Variants in WDR59 observed in about 807,000 individuals in gnomAD.
WDR59 encodes WD repeat domain 59, also known as GATOR2 complex protein WDR59.
WDR59 carries 100 observed loss-of-function variants against 131.2 expected under a neutral mutation model. The observed-to-expected ratio is 0.76, with a 90% CI of 0.65 to 0.90. WDR59 has a LOEUF of 0.90. Ranked by LOEUF, WDR59 falls within the 40% of genes least tolerant of loss-of-function variation. The probability of loss-of-function intolerance (pLI) is 0.00; values close to 1 mark genes in which losing one functional copy is unlikely to be tolerated. For synonymous variants in WDR59, 601 were observed against 466.2 expected (o/e 1.29, Z -3.72); for missense variants, 1,203 against 1,262.2 (o/e 0.95, Z 0.71).
intron 14 of WDR59, among the ~76,000 whole-genome samples, chr16:74,910,910 C>A (rs537015322): frequency 6.6e-6 from 1 of 152,182 alleles, no homozygotes; most frequent in South Asian, 2.1e-4. Flanking sequence ...GTTGCCCAGA[C>A]TGGAGTGCAG....
At chr16:74,883,057 C>T (rs1225383692) in intron 25 of WDR59, among the ~76,000 whole-genome samples, 1 of 128,066 alleles carries the variant, frequency 7.8e-6, no homozygotes, top group Non-Finnish European at 1.6e-5. Flanking sequence ...CAGAGTCTCA[C>T]TCTGTCACCA....
rs374986554 is a variant in WDR59 at position 74,959,055 on chromosome 16, A to C, written c.105-2445T>G. On this transcript the variant is annotated intron_variant, in intron 2 of 25. Transcript: ENST00000262144. Reference sequence around the variant, plus strand: ...GCCCGGGCAACAAAAGCAAAACTCCATCTCAACAAAAAAACACTAAGGAGA... The same window carrying C: ...GCCCGGGCAACAAAAGCAAAACTCCCTCTCAACAAAAAAACACTAAGGAGA... Among the ~76,000 whole-genome samples the C allele has an allele frequency of 3.3e-5, 5 of 152,228 alleles. No individual in the cohort carries two copies. In the South Asian group the frequency reaches 1.0e-3, roughly 32 times the overall value.
chr16:74,916,314 A>T (rs1966383151), intron 11 of WDR59, 55 bp from the exon 12 acceptor site: 2 of 1,608,440 alleles, frequency 1.2e-6, no homozygotes, highest in African/African-American at 2.7e-5. Flanking sequence ...AATGATTGTC[A>T]TGTCTGATTA....
chr16:74,929,855 A>C (rs2031221028), intron 8 of WDR59, among the ~76,000 whole-genome samples: 1 of 152,268 alleles, frequency 6.6e-6, no homozygotes, highest in South Asian at 2.1e-4. Context: ...TCCATGAAAA[A>C]GAATGCAATC....
chr16:74,911,982 A>T, intron 14 of WDR59: 1 of 581,912 alleles, frequency 1.7e-6, no homozygotes, highest in Non-Finnish European at 3.0e-6. Flanking sequence ...TTAGAATTCA[A>T]AGGAAGTCTA....
At chr16:74,952,174 G>A (rs1348416917) in intron 3 of WDR59, among the ~76,000 whole-genome samples, 1 of 151,814 alleles carries the variant, frequency 6.6e-6, no homozygotes, top group African/African-American at 2.4e-5. Flanking sequence ...GAAAAAAGAG[G>A]CTGGGCTTGG....
chr16:74,976,502 G>T lies in WDR59; in HGVS notation c.54+8462C>A, dbSNP rs1456832008. On this transcript the variant is annotated intron_variant, in intron 1 of 25. Transcript: ENST00000262144. The stretch of plus-strand genomic sequence containing the variant: ...CTGTCGCCCAGGCTGGAGTCCAAGG[G>T]CGCAATCTTGGCTCCCTGAACCTCC... Among the ~76,000 whole-genome samples the T allele has an allele frequency of 2.6e-5, 4 of 151,436 alleles. No homozygotes were observed. The East Asian group carries it at 5.8e-4, about 22-fold the overall frequency.
chr16:74,912,594 C>T (rs780906856), intron 13 of WDR59, among the ~76,000 whole-genome samples: 12 of 152,178 alleles, frequency 7.9e-5, no homozygotes, highest in Non-Finnish European at 1.5e-4. Flanking sequence ...GAGACCAGCT[C>T]GGTCGGGGTG....
chr16:74,886,257 G>A lies in WDR59; in HGVS notation c.2546+13C>T, dbSNP rs746039545. 6.2e-7 allele frequency: 1 copy of A among 1,607,132 alleles called. No homozygotes were observed. Among genetic ancestry groups the A allele is most frequent in the Non-Finnish European group, 8.5e-7 (1 of 1,175,514 alleles). ...GTCCTGGCATTGCAGCTCTCACCTG[G>A]GAGGGTGGTTACCTTTTATTTTTAT... On this transcript the variant is annotated intron_variant, in intron 24 of 25. Coordinates refer to ENST00000262144, the MANE Select transcript of WDR59 (RefSeq NM_030581.4).
Position 74,893,815 on chromosome 16 carries a change from A to AG in WDR59, c.1867-4dup, listed in dbSNP as rs113127978. 575 of 1,614,066 alleles carry AG rather than the reference A, an allele frequency of 3.6e-4. 2 individuals are homozygous for AG. The African/African-American group carries it at 6.6e-3, about 19-fold the overall frequency. On this transcript the variant is annotated splice_polypyrimidine_tract_variant and splice_region_variant and intron_variant, in intron 18 of 25. Transcript: ENST00000262144. ...TTACTTTTCCATCGTCTTGATTTCTAGGGGTAGATGACAGGATGTAACTAA... is the reference window on the plus strand; with the variant it reads ...TTACTTTTCCATCGTCTTGATTTCTAGGGGGTAGATGACAGGATGTAACTAA...
At chr16:74,877,942 T>C (rs1964293966) in intron 25 of WDR59, among the ~76,000 whole-genome samples, 2 of 152,236 alleles carry the variant, frequency 1.3e-5, no homozygotes, top group Non-Finnish European at 2.9e-5. Flanking sequence ...CAATCACCTC[T>C]GACAACTCTT....
intron 2 of WDR59, among the ~76,000 whole-genome samples, chr16:74,960,683 G>A (rs75649910): frequency 0.031 from 4,625 of 150,938 alleles, 98 homozygotes; most frequent in Middle Eastern, 0.085. Flanking sequence ...AAGCAGAGGT[G>A]GTTGCAGTGA....
intron 8 of WDR59, among the ~76,000 whole-genome samples, chr16:74,926,985 T>A (rs1185851610): frequency 6.6e-6 from 1 of 152,100 alleles, no homozygotes; most frequent in Non-Finnish European, 1.5e-5. Flanking sequence ...TAATGCACAA[T>A]ATGAATGAAC....
At chr16:74,885,489 G>A (rs991072013) in intron 25 of WDR59, among the ~76,000 whole-genome samples, 164 bp downstream of exon 25, 1 of 139,230 alleles carries the variant, frequency 7.2e-6, no homozygotes, top group Non-Finnish European at 1.5e-5. Flanking sequence ...ATCCTGTTAC[G>A]AAATGCAAGG....
chr16:74,927,320 G>T (rs1025228260), intron 8 of WDR59, among the ~76,000 whole-genome samples: 1 of 152,094 alleles, frequency 6.6e-6, no homozygotes, highest in African/African-American at 2.4e-5. Flanking sequence ...CAGGCACGGT[G>T]GCTCACACCT....
intron 23 of WDR59, among the ~76,000 whole-genome samples, chr16:74,886,706 G>A (rs1964782259): frequency 1.3e-5 from 2 of 152,212 alleles, no homozygotes; most frequent in East Asian, 3.9e-4. Context: ...GATCACCTGA[G>A]GTCAGAGGTT....
chr16:74,956,728 A>G, intron 2 of WDR59, 118 bp from the exon 3 acceptor site: 1 of 1,251,516 alleles, frequency 8.0e-7, no homozygotes, highest in Non-Finnish European at 1.1e-6. Flanking sequence ...AAACCCAAAC[A>G]CACATGGCAT....
intron 25 of WDR59, among the ~76,000 whole-genome samples, chr16:74,875,993 T>G (rs1409073281): frequency 1.3e-5 from 2 of 152,106 alleles, no homozygotes; most frequent in African/African-American, 2.4e-5. Flanking sequence ...CTCATGCCTT[T>G]TCTCCCGGCT....
intron 1 of WDR59, among the ~76,000 whole-genome samples, chr16:74,975,529 T>C (rs896616772): frequency 6.6e-6 from 1 of 151,370 alleles, no homozygotes; most frequent in African/African-American, 2.4e-5. Context: ...CCGGACATGA[T>C]GGCAGGCGCC....
Sources: allele counts gnomAD v4.1 joint callset (sites outside exome capture counted in the v4.1 genomes callset), GRCh38; gene constraint gnomAD v4.1.1; transcripts MANE v1.5; gene names NCBI Gene and HGNC (gene_info 2026-07-23, HGNC 2026-07-21).